The following ARHGAP22 variants were observed in gnomAD, a reference collection of about 807,000 sequenced individuals.
ARHGAP22 encodes rho GTPase-activating protein 22.
In ARHGAP22, 48 loss-of-function variants were observed where a neutral mutation model predicts 59.1. The observed-to-expected ratio is 0.81, with a 90% CI of 0.64 to 1.03. The LOEUF (loss-of-function observed/expected upper bound fraction) is 1.03, where lower values mean the gene tolerates loss of function less well. ARHGAP22 is among the 50% of genes least tolerant of loss of function. The pLI, the probability that ARHGAP22 is intolerant of heterozygous loss-of-function variation, is 0.00. For synonymous variants in ARHGAP22, 445 were observed against 416.4 expected (o/e 1.07, Z -0.84); for missense variants, 1,015 against 958.7 (o/e 1.06, Z -0.78).
chr10:48,604,907 G>C lies in ARHGAP22; in HGVS notation c.-111C>G, dbSNP rs1451512499. The C allele has an allele frequency of 1.9e-6, 3 of 1,581,614 alleles. No individual in the cohort carries two copies. The African/African-American group carries it at 4.1e-5, about 21-fold the overall frequency. ...TCATGTCCTGCTCGTTCGGGGCCCC[G>C]TGGCCGCTGGCGTCACCCGTCAGGC... On this transcript the variant is annotated 5_prime_UTR_variant, in exon 1 of 10. Transcript: ENST00000249601.
chr10:48,643,764 A>AATAT (rs34206353), intron 1 of ARHGAP22, among the ~76,000 whole-genome samples: 69 of 144,264 alleles, frequency 4.8e-4, no homozygotes, highest in African/African-American at 1.6e-3. Flanking sequence ...AAAAAAAAAA[A>AATAT]ATATATATAT....
upstream of ARHGAP22, among the ~76,000 whole-genome samples, chr10:48,654,497 C>T (rs147616251): frequency 2.6e-5 from 4 of 152,334 alleles, no homozygotes; most frequent in East Asian, 7.7e-4. Flanking sequence ...CTGGTCTCAT[C>T]CCAGGAATAG....
chr10:48,596,450 G>C (rs1267938934), intron 1 of ARHGAP22, among the ~76,000 whole-genome samples: 2 of 152,194 alleles, frequency 1.3e-5, no homozygotes, highest in African/African-American at 4.8e-5. Flanking sequence ...CTGGCTGGAG[G>C]GGGCAGGGAG....
chr10:48,628,623 C>G (rs1222444157), intron 1 of ARHGAP22, among the ~76,000 whole-genome samples: 1 of 152,172 alleles, frequency 6.6e-6, no homozygotes, highest in Non-Finnish European at 1.5e-5. Context: ...GCATTTGATT[C>G]CGCCTGGTGA....
At chr10:48,483,389 G>A (rs893324229) in intron 3 of ARHGAP22, among the ~76,000 whole-genome samples, 50 of 152,178 alleles carry the variant, frequency 3.3e-4, no homozygotes, top group Non-Finnish European at 1.3e-4. Context: ...TAATTCCTTT[G>A]ATATACTGAT....
At chr10:48,644,004 G>A (rs2062182055) in intron 1 of ARHGAP22, among the ~76,000 whole-genome samples, 1 of 151,998 alleles carries the variant, frequency 6.6e-6, no homozygotes, top group Admixed American at 6.5e-5. Flanking sequence ...AAAATTAGCT[G>A]GGCGTGGTGG....
At chr10:48,482,317 C>T (rs1564740151) in intron 3 of ARHGAP22, among the ~76,000 whole-genome samples, 1 of 152,232 alleles carries the variant, frequency 6.6e-6, no homozygotes, top group Non-Finnish European at 1.5e-5. Flanking sequence ...TTTGCATATG[C>T]ACATTCCAGC....
At chr10:48,476,159 G>A (rs958652069) in intron 4 of ARHGAP22, among the ~76,000 whole-genome samples, 12 of 152,320 alleles carry the variant, frequency 7.9e-5, no homozygotes, top group Middle Eastern at 6.8e-3. Flanking sequence ...CCTCCAGCTC[G>A]CTGCTGTCTC....
chr10:48,446,377 C>T lies in ARHGAP22; in HGVS notation c.*14G>A. 2 of 1,613,566 alleles carry T rather than the reference C, an allele frequency of 1.2e-6. No individual in the cohort carries two copies. Among genetic ancestry groups the T allele is most frequent in the East Asian group, 4.5e-5 (2 of 44,882 alleles). ...CCAGCAGACGTGGTACAGAAGTGAG[C>T]TCTGCCATTCCTTTTACTTTGGGGC... On this transcript the variant is annotated 3_prime_UTR_variant, in exon 10 of 10. Transcript: ENST00000249601.
downstream of ARHGAP22, chr10:48,444,554 G>A (rs1474268936): frequency 6.6e-6 from 1 of 152,258 alleles, no homozygotes; most frequent in Non-Finnish European, 1.5e-5. Context: ...CTCAGCAGGA[G>A]CCTAAGCCTT....
chr10:48,518,855 C>T (rs779803110), intron 3 of ARHGAP22, among the ~76,000 whole-genome samples: 42 of 152,082 alleles, frequency 2.8e-4, no homozygotes, highest in Non-Finnish European at 5.7e-4. Context: ...GATTCAAGTG[C>T]ACTTTGGAAA....
chr10:48,520,583 G>A (rs577201176), intron 3 of ARHGAP22, among the ~76,000 whole-genome samples: 2 of 152,342 alleles, frequency 1.3e-5, no homozygotes, highest in African/African-American at 4.8e-5. Context: ...AATGGGCAGG[G>A]CTTATGGAGC....
At chr10:48,635,526 G>A (rs1396481598) in intron 1 of ARHGAP22, among the ~76,000 whole-genome samples, 1 of 152,204 alleles carries the variant, frequency 6.6e-6, no homozygotes, top group Non-Finnish European at 1.5e-5. Flanking sequence ...GCAAACAAAT[G>A]CAGTCCAGAA....
chr10:48,476,883 C>G (rs1451435039), intron 4 of ARHGAP22, among the ~76,000 whole-genome samples: 1 of 152,196 alleles, frequency 6.6e-6, no homozygotes, highest in Non-Finnish European at 1.5e-5. Flanking sequence ...GTCTTTGAGG[C>G]CAGAACATCC....
intron 9 of ARHGAP22, 148 bp downstream of exon 9, chr10:48,450,113 G>A (rs969837507): frequency 8.2e-7 from 1 of 1,214,364 alleles, no homozygotes; most frequent in Non-Finnish European, 1.1e-6. Flanking sequence ...CAGTCCTAGG[G>A]CTTTCCCAGA....
intron 4 of ARHGAP22, among the ~76,000 whole-genome samples, chr10:48,465,595 C>T (rs893247432): frequency 3.3e-5 from 5 of 152,326 alleles, no homozygotes; most frequent in Admixed American, 3.3e-4. Context: ...AGTCCCACCC[C>T]GAAGGCCGCA....
intron 1 of ARHGAP22, among the ~76,000 whole-genome samples, chr10:48,589,765 C>T (rs116831049): frequency 1.8e-3 from 273 of 152,324 alleles, no homozygotes; most frequent in African/African-American, 6.2e-3. Flanking sequence ...CTTCCTGACT[C>T]TTAGCTCCTG....
chr10:48,652,921 A>G (rs1391278300), upstream of ARHGAP22, among the ~76,000 whole-genome samples: 1 of 152,162 alleles, frequency 6.6e-6, no homozygotes, highest in Non-Finnish European at 1.5e-5. Flanking sequence ...TCTCCATTCC[A>G]TTTCTGGAAA....
chr10:48,640,994 C>T (rs1387921566), intron 1 of ARHGAP22, among the ~76,000 whole-genome samples: 2 of 152,068 alleles, frequency 1.3e-5, no homozygotes, highest in African/African-American at 2.4e-5. Flanking sequence ...TAAAATGAAG[C>T]TGTCTTGGAG....
Sources: allele counts gnomAD v4.1 joint callset (sites outside exome capture counted in the v4.1 genomes callset), GRCh38; gene constraint gnomAD v4.1.1; transcripts MANE v1.5; gene names NCBI Gene and HGNC (gene_info 2026-07-23, HGNC 2026-07-21).